EFNA5: variants seen among roughly 807,000 people sequenced by gnomAD.
The protein encoded by EFNA5 is ephrin A5.
In EFNA5, 5 loss-of-function variants were observed where a neutral mutation model predicts 22.9. That is an observed-to-expected ratio of 0.22 (90% CI 0.11 to 0.46). The LOEUF (loss-of-function observed/expected upper bound fraction) is 0.46, where lower values mean the gene tolerates loss of function less well. Among genes scored for constraint, EFNA5 ranks in the 20% least tolerant of loss-of-function variants. The probability of loss-of-function intolerance (pLI) is 0.99; values close to 1 mark genes in which losing one functional copy is unlikely to be tolerated. For synonymous variants in EFNA5, 113 were observed against 112.2 expected (o/e 1.01, Z -0.04); for missense variants, 237 against 293.3 (o/e 0.81, Z 1.40).
intron 1 of EFNA5, among the ~76,000 whole-genome samples, chr5:107,521,550 A>G (rs1747598919): frequency 6.8e-6 from 1 of 147,280 alleles, no homozygotes; most frequent in Non-Finnish European, 1.5e-5. Flanking sequence ...GGCTCAAACA[A>G]CCCTCCCACC....
intron 1 of EFNA5, among the ~76,000 whole-genome samples, chr5:107,502,707 A>G (rs1396973533): frequency 6.6e-6 from 1 of 152,202 alleles, no homozygotes; most frequent in African/African-American, 2.4e-5. Context: ...AAATGCCAGT[A>G]GAAGCACTTG....
chr5:107,547,049 G>C (rs1296692298), intron 1 of EFNA5, among the ~76,000 whole-genome samples: 1 of 152,176 alleles, frequency 6.6e-6, no homozygotes, highest in Non-Finnish European at 1.5e-5. Flanking sequence ...ACACAGACAA[G>C]CTCAAACTGA....
intron 4 of EFNA5, among the ~76,000 whole-genome samples, chr5:107,382,349 T>G (rs1370828048): frequency 6.6e-6 from 1 of 152,210 alleles, no homozygotes; most frequent in Non-Finnish European, 1.5e-5. Flanking sequence ...ACTTATGCTT[T>G]TATTTACTTT....
intron 2 of EFNA5, among the ~76,000 whole-genome samples, chr5:107,410,310 G>A (rs1352524325): frequency 6.6e-6 from 1 of 152,150 alleles, no homozygotes; most frequent in African/African-American, 2.4e-5. Context: ...ATGAGTCTTT[G>A]AAGGAAGAGA....
rs70996954 is a variant in EFNA5, at chr5:107,399,318, CGGAAAGGAAAGGAAA to C, written c.419-11562_419-11548del. Among the ~76,000 whole-genome samples, 113 of 94,640 alleles carry C rather than the reference CGGAAAGGAAAGGAAA, an allele frequency of 1.2e-3. 1 individual carries two copies. The highest frequency in any genetic ancestry group is 3.2e-3 in the East Asian group (12 of 3,788). 62.1% of individuals were successfully genotyped at this position (94,640 alleles called of 152,430 possible). A position where few individuals can be genotyped will look rare whatever the true frequency, so the allele number is the denominator to read the frequency against. ...AGAAGGAAGGAAGGAAGGAAGGAAA[CGGAAAGGAAAGGAAA>C]GGAAAGGAAAGGAAAGGAAAGGAAA... On this transcript the variant is annotated intron_variant, in intron 2 of 4. Coordinates refer to ENST00000333274, the MANE Select transcript of EFNA5 (RefSeq NM_001962.3).
intron 1 of EFNA5, among the ~76,000 whole-genome samples, chr5:107,429,689 C>A (rs1748898205): frequency 6.6e-6 from 1 of 152,108 alleles, no homozygotes; most frequent in African/African-American, 2.4e-5. Flanking sequence ...CCTTGCTGGC[C>A]TCTGGTGGCT....
At chr5:107,439,412 G>C (rs774890587) in intron 1 of EFNA5, among the ~76,000 whole-genome samples, 1 of 152,174 alleles carries the variant, frequency 6.6e-6, no homozygotes, top group African/African-American at 2.4e-5. Context: ...ACTAATATGA[G>C]CAGTTTAACA....
At chr5:107,513,149 A>G (rs1188008478) in intron 1 of EFNA5, among the ~76,000 whole-genome samples, 1 of 152,080 alleles carries the variant, frequency 6.6e-6, no homozygotes, top group African/African-American at 2.4e-5. Flanking sequence ...TGTTTCAGGG[A>G]TGACATGCTT....
intron 1 of EFNA5, among the ~76,000 whole-genome samples, chr5:107,600,479 A>G (rs971682635): frequency 6.6e-6 from 1 of 152,004 alleles, no homozygotes; most frequent in African/African-American, 2.4e-5. Flanking sequence ...AAGTTAATAA[A>G]AAATGTTTCT....
intron 1 of EFNA5, among the ~76,000 whole-genome samples, chr5:107,475,944 T>C (rs25994): frequency 0.46 from 67,127 of 144,870 alleles, 16,120 homozygotes; most frequent in South Asian, 0.53. Context: ...TTTCAAACTG[T>C]GTTCATGTTT....
chr5:107,406,982 G>A lies in EFNA5; in HGVS notation c.419-19211C>T, dbSNP rs747062191. On this transcript the variant is annotated intron_variant, in intron 2 of 4. Coordinates refer to ENST00000333274, the MANE Select transcript of EFNA5 (RefSeq NM_001962.3). Reference sequence around the variant, plus strand: ...ATATGATTAGGCATATGAGTTTCGTGCAATTTAAGTAGGTTCTTAAATCAG... The same window carrying A: ...ATATGATTAGGCATATGAGTTTCGTACAATTTAAGTAGGTTCTTAAATCAG... 5.5e-4 allele frequency among the ~76,000 whole-genome samples: 83 copies of A among 152,160 alleles called. 1 individual carries two copies. Among genetic ancestry groups the A allele is most frequent in the Admixed American group, 4.3e-3 (66 of 15,276 alleles).
At chr5:107,588,915 G>T (rs1580545534) in intron 1 of EFNA5, among the ~76,000 whole-genome samples, 2 of 152,200 alleles carry the variant, frequency 1.3e-5, no homozygotes, top group East Asian at 1.9e-4. Context: ...TGCGCTGGCT[G>T]CAGTGCAAAG....
At position 107,634,700 on chromosome 5, in the gene EFNA5, C is replaced by T. The variant is rs753479318; in HGVS notation, c.125+35789G>A. 2.7e-5 allele frequency among the ~76,000 whole-genome samples: 4 copies of T among 145,562 alleles called. 1 individual carries two copies. Among genetic ancestry groups the T allele is most frequent in the African/African-American group, 4.9e-5 (2 of 40,752 alleles). ...AAGTTTTAACCTGAGTCCTTAAGGGCGTATACCCACACCAAAAATAATGAC... is the reference window on the plus strand; with the variant it reads ...AAGTTTTAACCTGAGTCCTTAAGGGTGTATACCCACACCAAAAATAATGAC... On this transcript the variant is annotated intron_variant, in intron 1 of 4. Coordinates refer to ENST00000333274, the MANE Select transcript of EFNA5 (RefSeq NM_001962.3).
At chr5:107,433,506 G>A (rs1251759371) in intron 1 of EFNA5, among the ~76,000 whole-genome samples, 2 of 152,202 alleles carry the variant, frequency 1.3e-5, no homozygotes, top group African/African-American at 4.8e-5. Context: ...CTGAAAAAGT[G>A]TGCTTCTGGA....
At position 107,592,058 on chromosome 5, in the gene EFNA5, T is replaced by A. The variant is rs547020990; in HGVS notation, c.125+78431A>T. 1.3e-3 allele frequency among the ~76,000 whole-genome samples: 113 copies of A among 88,574 alleles called. 11 individuals carry two copies. Among genetic ancestry groups the A allele is most frequent in the African/African-American group, 6.0e-3 (108 of 18,054 alleles). The allele number at this position is 88,574 out of a possible 152,430, so 58.1% of individuals were successfully genotyped here. ...TATTATATATATTATACATTAAACATATATTTATAATAATAATAAATTATT... is the reference window on the plus strand; with the variant it reads ...TATTATATATATTATACATTAAACAAATATTTATAATAATAATAAATTATT... On this transcript the variant is annotated intron_variant, in intron 1 of 4. Transcript: ENST00000333274.
chr5:107,437,461 T>C (rs1253290654), intron 1 of EFNA5, among the ~76,000 whole-genome samples: 1 of 152,174 alleles, frequency 6.6e-6, no homozygotes, highest in Non-Finnish European at 1.5e-5. Flanking sequence ...AGAAACGAGG[T>C]GGTGATCGTA....
chr5:107,648,649 T>C lies in EFNA5; in HGVS notation c.125+21840A>G, dbSNP rs540235534. Among the ~76,000 whole-genome samples, 328 of 152,304 alleles carry C rather than the reference T, an allele frequency of 2.2e-3. 3 individuals are homozygous for C. Among genetic ancestry groups the C allele is most frequent in the African/African-American group, 7.6e-3 (315 of 41,580 alleles). On this transcript the variant is annotated intron_variant, in intron 1 of 4. Coordinates refer to ENST00000333274, the MANE Select transcript of EFNA5 (RefSeq NM_001962.3). ...GATCTCCCTGCGTCAAACTTCAGGA[T>C]TCAACTCATCAACTCTGATAAGGGA...
intron 1 of EFNA5, among the ~76,000 whole-genome samples, chr5:107,654,730 GACATA>G (rs1469577454): frequency 1.3e-5 from 2 of 152,012 alleles, no homozygotes; most frequent in African/African-American, 4.8e-5. Context: ...AAAATACATT[GACATA>G]ACTCAGCCTT....
Position 107,624,801 on chromosome 5 carries a change from G to T in EFNA5, c.125+45688C>A, listed in dbSNP as rs1403772722. Among the ~76,000 whole-genome samples the T allele has an allele frequency of 3.3e-5, 5 of 152,052 alleles. No homozygotes were observed. In the East Asian group the frequency reaches 5.8e-4, roughly 18 times the overall value. On this transcript the variant is annotated intron_variant, in intron 1 of 4. Coordinates refer to ENST00000333274, the MANE Select transcript of EFNA5 (RefSeq NM_001962.3). ...ATAGTCCCAAAAAAATTTGTGTCTA[G>T]TATATGTGAGGTATTCATTGTTTAC...
Sources: gnomAD v4.1 joint callset for allele counts (sites outside exome capture counted in the v4.1 genomes callset) on GRCh38, gnomAD v4.1.1 for gene constraint, MANE v1.5 for transcripts, NCBI Gene and HGNC (gene_info 2026-07-23, HGNC 2026-07-21) for gene names.